The following INSR variants were observed in gnomAD, a reference collection of about 807,000 sequenced individuals.
INSR encodes the protein IR.
Under a neutral mutation model 142.6 loss-of-function variants are expected in INSR, and 67 were observed. The observed-to-expected ratio is 0.47, with a 90% CI of 0.39 to 0.58. The LOEUF (loss-of-function observed/expected upper bound fraction) is 0.58. Among genes scored for constraint, INSR ranks in the 20% least tolerant of loss-of-function variants. INSR has a pLI of 0.00. For synonymous variants in INSR, 756 were observed against 743.1 expected (o/e 1.02, Z -0.28); for missense variants, 1,248 against 1,833.2 (o/e 0.68, Z 5.83).
chr19:7,129,074 T>C, intron 14 of INSR, 120 bp from the exon 15 acceptor site: 1 of 748,838 alleles, frequency 1.3e-6, no homozygotes, highest in Non-Finnish European at 2.3e-6. Context: ...CCCTTGTCCA[T>C]AAACCTCTCT....
Position 7,212,547 on chromosome 19 carries a change from C to T in INSR, c.653-27910G>A, listed in dbSNP as rs562042820. 2.0e-5 allele frequency among the ~76,000 whole-genome samples: 3 copies of T among 152,288 alleles called. No individual in the cohort carries two copies. The South Asian group carries it at 6.2e-4, about 32-fold the overall frequency. ...CTCATGGTGCTTCCAGTCTAGCAGGCAGGCAGGCAGAATCAGAGAGAAAAT... is the reference window on the plus strand; with the variant it reads ...CTCATGGTGCTTCCAGTCTAGCAGGTAGGCAGGCAGAATCAGAGAGAAAAT... On this transcript the variant is annotated intron_variant, in intron 2 of 21. Transcript: ENST00000302850.
At position 7,274,164 on chromosome 19, in the gene INSR, G is replaced by A. The variant is rs149619062; in HGVS notation, c.101-6268C>T. On this transcript the variant is annotated intron_variant, in intron 1 of 21. Transcript: ENST00000302850. ...GTGGTGATGGTTTTAGAATGAAACT[G>A]TTCCACCTCAGATCCTCAGGCATCA... Among the ~76,000 whole-genome samples, 370 of 152,094 alleles carry A rather than the reference G, an allele frequency of 2.4e-3. 1 individual carries two copies. The highest frequency in any genetic ancestry group is 8.1e-3 in the African/African-American group (336 of 41,496).
At position 7,267,807 on chromosome 19, in the gene INSR, A is replaced by G. The variant is rs144836032; in HGVS notation, c.190T>C (p.Leu64=). 311 of 1,614,176 alleles carry G rather than the reference A, an allele frequency of 1.9e-4. No homozygotes were observed. In the African/African-American group the frequency reaches 2.7e-3, roughly 14 times the overall value. ...SVIEGHLQIL[L]MFKTRPEDFR... is the part of the protein sequence containing the mutation. The stretch of plus-strand genomic sequence containing the variant: ...TCTTCGGGCCTCGTTTTGAACATCA[A>G]GAGTATCTGCAAGTGTCCTTCGATG... The change falls in exon 2 of 22, where the codon TTG becomes CTG. Residue 64 remains leucine, a synonymous_variant. Coordinates refer to ENST00000302850, the MANE Select transcript of INSR (RefSeq NM_000208.4). This position sits in a 1 kb window ranked among gnomAD's most constrained non-coding sequence, Gnocchi z 6.3.
At chr19:7,127,393 T>G (rs1440108223) in intron 15 of INSR, among the ~76,000 whole-genome samples, 1 of 152,170 alleles carries the variant, frequency 6.6e-6, no homozygotes, top group Non-Finnish European at 1.5e-5. Flanking sequence ...GAACAAAAAA[T>G]ATAAATTATA....
intron 2 of INSR, among the ~76,000 whole-genome samples, chr19:7,246,567 A>G (rs1976542167): frequency 6.6e-6 from 1 of 152,214 alleles, no homozygotes; most frequent in Non-Finnish European, 1.5e-5. Context: ...CAGCGACCCA[A>G]AGAATCATGA....
intron 12 of INSR, among the ~76,000 whole-genome samples, chr19:7,142,420 G>T (rs558842240): frequency 7.1e-5 from 9 of 126,122 alleles, no homozygotes; most frequent in African/African-American, 2.8e-4. Flanking sequence ...AAAAGGCCAG[G>T]TTCGGTGCTC....
chr19:7,184,758 G>A, intron 2 of INSR, 121 bp from the exon 3 acceptor site: 1 of 713,220 alleles, frequency 1.4e-6, no homozygotes, highest in Non-Finnish European at 2.0e-6. Flanking sequence ...ATCAGACAGT[G>A]AAAGCCAACC....
chr19:7,253,087 C>T (rs900990619), intron 2 of INSR, among the ~76,000 whole-genome samples: 11 of 146,672 alleles, frequency 7.5e-5, no homozygotes, highest in Non-Finnish European at 1.6e-4. Flanking sequence ...AGCACTCCAG[C>T]CTGGTGACAG....
At chr19:7,218,730 G>C (rs1017926397) in intron 2 of INSR, among the ~76,000 whole-genome samples, 12 of 152,132 alleles carry the variant, frequency 7.9e-5, no homozygotes, top group African/African-American at 2.7e-4. Context: ...TTTTTGTACA[G>C]ATGGGGTTTC....
chr19:7,152,966 C>T (rs752888450), intron 9 of INSR, 39 bp from the exon 10 acceptor site: 6 of 1,441,520 alleles, frequency 4.2e-6, no homozygotes, highest in Non-Finnish European at 3.8e-6. Flanking sequence ...CAAGTCTCTG[C>T]GGCTGAACAC....
At chr19:7,230,074 G>A (rs1975921401) in intron 2 of INSR, among the ~76,000 whole-genome samples, 2 of 152,080 alleles carry the variant, frequency 1.3e-5, no homozygotes, top group Admixed American at 1.3e-4. Flanking sequence ...TTACAGACAT[G>A]AGTCAGCGTA....
chr19:7,219,487 A>AAGGAAGGACGGAGGGAG (rs1445884167), intron 2 of INSR, among the ~76,000 whole-genome samples: 1 of 118,158 alleles, frequency 8.5e-6, no homozygotes, highest in African/African-American at 3.3e-5. Flanking sequence ...GAGGGAGGGA[A>AAGGAAGGACGGAGGGAG]GGAAGGAAGG....
chr19:7,234,486 G>A (rs1379232428), intron 2 of INSR, among the ~76,000 whole-genome samples: 3 of 152,198 alleles, frequency 2.0e-5, no homozygotes, highest in African/African-American at 4.8e-5. Context: ...GGGATTACAA[G>A]TGTGAGCCAC....
intron 1 of INSR, among the ~76,000 whole-genome samples, chr19:7,287,737 C>G (rs2860184): frequency 0.29 from 43,567 of 152,098 alleles, 6,977 homozygotes; most frequent in Middle Eastern, 0.37. Context: ...CATAGCGTTT[C>G]ATTTCACTCA....
intron 2 of INSR, among the ~76,000 whole-genome samples, chr19:7,241,013 A>T (rs1976322614): frequency 6.6e-6 from 1 of 152,134 alleles, no homozygotes; most frequent in Non-Finnish European, 1.5e-5. Context: ...GTACAAGGTT[A>T]TGTGTCAAAA....
chr19:7,158,083 ATTATTATTT>A (rs1158788169), intron 9 of INSR, among the ~76,000 whole-genome samples: 24 of 133,210 alleles, frequency 1.8e-4, no homozygotes, highest in African/African-American at 6.3e-4. Flanking sequence ...TATTATTATT[ATTATTATTT>A]GGAGAGGAAG....
At chr19:7,142,545 A>G (rs754777586) in intron 12 of INSR, among the ~76,000 whole-genome samples, 1 of 151,922 alleles carries the variant, frequency 6.6e-6, no homozygotes, top group Non-Finnish European at 1.5e-5. Flanking sequence ...AAATACAAAA[A>G]TTAGCTGGGC....
In INSR at chr19:7,192,026, AAG is replaced by A. The variant is rs1315782322; in HGVS notation, c.653-7391_653-7390del. Among the ~76,000 whole-genome samples, 2 of 150,108 alleles carry A rather than the reference AAG, an allele frequency of 1.3e-5. No individual in the cohort carries two copies. The highest frequency in any genetic ancestry group is 3.0e-5 in the Non-Finnish European group (2 of 67,352). On this transcript the variant is annotated intron_variant, in intron 2 of 21. Coordinates refer to ENST00000302850, the MANE Select transcript of INSR (RefSeq NM_000208.4). The surrounding 1 kb of genome is among the most constrained non-coding windows in gnomAD (Gnocchi z 4.2). ...GAGAAAGAAAGAAGAGGGAGAAAGA[AAG>A]AGAAAGAAAGAGGCAGGAAGGGAGG...
rs188023882 is a variant in INSR, at chr19:7,222,605, T to C, written c.653-37968A>G. 5.4e-3 allele frequency among the ~76,000 whole-genome samples: 815 copies of C among 152,126 alleles called. 5 individuals carry two copies. The highest frequency in any genetic ancestry group is 0.019 in the African/African-American group (771 of 41,504). On this transcript the variant is annotated intron_variant, in intron 2 of 21. Transcript: ENST00000302850. Reference sequence around the variant, plus strand: ...ACAGGGTCTTGCTACATTGCCCAGGTTGGTCTTGAATCCCTGGCCTCAAGT... The same window carrying C: ...ACAGGGTCTTGCTACATTGCCCAGGCTGGTCTTGAATCCCTGGCCTCAAGT...
Sources: allele counts gnomAD v4.1 joint callset (sites outside exome capture counted in the v4.1 genomes callset), GRCh38; gene constraint gnomAD v4.1.1; non-coding constraint Gnocchi (gnomAD v3.1); transcripts MANE v1.5; gene names NCBI Gene and HGNC (gene_info 2026-07-23, HGNC 2026-07-21).